SRGAP3: variants seen among roughly 807,000 people sequenced by gnomAD.
SRGAP3 encodes SLIT-ROBO Rho GTPase activating protein 3, also known as SLIT-ROBO Rho GTPase-activating protein 3.
SRGAP3 carries 39 observed loss-of-function variants against 121.1 expected under a neutral mutation model. The observed-to-expected ratio is 0.32, with a 90% confidence interval of 0.25 to 0.42. SRGAP3 has a LOEUF of 0.42. Among genes scored for constraint, SRGAP3 ranks in the 10% least tolerant of loss-of-function variants. The probability of loss-of-function intolerance (pLI) is 1.00; values close to 1 mark genes in which losing one functional copy is unlikely to be tolerated. For synonymous variants in SRGAP3, 601 were observed against 570.0 expected (o/e 1.05, Z -0.77); for missense variants, 1,213 against 1,470.6 (o/e 0.82, Z 2.86).
chr3:9,049,464 C>A, intron 9 of SRGAP3: 1 of 456,104 alleles, frequency 2.2e-6, no homozygotes. Flanking sequence ...CATCATCAGG[C>A]CCCTTCTACC....
chr3:9,354,526 A>C lies in SRGAP3; in HGVS notation n.214+8314T>G, dbSNP rs144067866. ...AACCCGGTCTCTACTAAAAAACACA[A>C]AAAAAATTAGCCGGACATGGTGGCA... On this transcript the variant is annotated intron_variant and non_coding_transcript_variant, in intron 1 of 3. Coordinates refer to the SRGAP3 transcript ENST00000490889. 2.1e-3 allele frequency among the ~76,000 whole-genome samples: 321 copies of C among 152,054 alleles called. 5 individuals carry two copies. The East Asian group carries it at 0.036, about 17-fold the overall frequency.
chr3:9,052,172 C>T (rs1945610160), intron 9 of SRGAP3, among the ~76,000 whole-genome samples: 1 of 152,136 alleles, frequency 6.6e-6, no homozygotes, highest in African/African-American at 2.4e-5. Context: ...ATACATTTAG[C>T]CTAGAGAAAT....
intron 1 of SRGAP3, among the ~76,000 whole-genome samples, chr3:9,199,395 G>A (rs1253507066): frequency 6.6e-6 from 1 of 152,130 alleles, no homozygotes; most frequent in Non-Finnish European, 1.5e-5. Flanking sequence ...TGCTAGCAAC[G>A]CTGACTGAGA....
chr3:9,038,572 A>C (rs1944879945), intron 10 of SRGAP3, among the ~76,000 whole-genome samples: 1 of 152,232 alleles, frequency 6.6e-6, no homozygotes, highest in Non-Finnish European at 1.5e-5. Context: ...CCTGGCACTG[A>C]AGGATACCAG....
intron 11 of SRGAP3, chr3:9,037,834 CA>C: frequency 3.3e-6 from 2 of 604,792 alleles, no homozygotes; most frequent in Non-Finnish European, 2.9e-6. Context: ...ACAGCAGCCC[CA>C]AAAGCGCCCC....
chr3:9,040,370 G>A (rs1944959702), intron 10 of SRGAP3, among the ~76,000 whole-genome samples: 1 of 152,040 alleles, frequency 6.6e-6, no homozygotes, highest in Non-Finnish European at 1.5e-5. Flanking sequence ...TCTCCTTTGT[G>A]TGCTCTGCTA....
intron 10 of SRGAP3, among the ~76,000 whole-genome samples, chr3:9,042,046 A>C (rs1297136461): frequency 6.6e-6 from 1 of 151,236 alleles, no homozygotes; most frequent in East Asian, 1.9e-4. Context: ...GGTTACAATA[A>C]GCTGAGATTG....
intron 1 of SRGAP3, 144 bp downstream of exon 1, chr3:9,248,741 A>G: frequency 2.3e-6 from 2 of 858,362 alleles, no homozygotes; most frequent in South Asian, 1.4e-5. Flanking sequence ...TGCGGCTGCC[A>G]CTGTTACTCC....
At chr3:9,013,117 C>T (rs1474818251) in intron 17 of SRGAP3, among the ~76,000 whole-genome samples, 191 bp downstream of exon 17, 1 of 152,132 alleles carries the variant, frequency 6.6e-6, no homozygotes, top group Non-Finnish European at 1.5e-5. Context: ...GTATGTCTGT[C>T]CCTTGTAACC....
chr3:9,116,972 G>A (rs558969158), intron 2 of SRGAP3, among the ~76,000 whole-genome samples: 65 of 152,322 alleles, frequency 4.3e-4, no homozygotes, highest in Non-Finnish European at 7.5e-4. Context: ...ACGGTGATGT[G>A]GATGTGTGGG....
At chr3:9,044,447 A>G (rs949444541) in intron 10 of SRGAP3, among the ~76,000 whole-genome samples, 3 of 152,242 alleles carry the variant, frequency 2.0e-5, no homozygotes, top group Admixed American at 1.3e-4. Flanking sequence ...TGCTCAGCAA[A>G]GAAATTTGCT....
chr3:9,015,989 C>A, intron 14 of SRGAP3: 1 of 516,182 alleles, frequency 1.9e-6, no homozygotes, highest in Non-Finnish European at 3.5e-6. Flanking sequence ...ACTCATCTTG[C>A]CACATTTGAT....
intron 18 of SRGAP3, among the ~76,000 whole-genome samples, chr3:9,000,013 C>T (rs1296366058): frequency 1.3e-5 from 2 of 152,216 alleles, no homozygotes; most frequent in African/African-American, 4.8e-5. Flanking sequence ...TGAACCAAGA[C>T]TGCTCCCTCC....
chr3:9,003,334 C>G (rs942141060), intron 18 of SRGAP3, among the ~76,000 whole-genome samples: 1 of 152,058 alleles, frequency 6.6e-6, no homozygotes, highest in Non-Finnish European at 1.5e-5. Context: ...AAAAAATTAG[C>G]CTGGTATGGT....
intron 21 of SRGAP3, among the ~76,000 whole-genome samples, chr3:8,989,299 G>C (rs1236723995): frequency 6.6e-6 from 1 of 152,194 alleles, no homozygotes; most frequent in Non-Finnish European, 1.5e-5. Flanking sequence ...AAGTATGGGG[G>C]GGACCAGCAG....
chr3:9,320,531 G>A (rs891081370), intron 3 of SRGAP3, among the ~76,000 whole-genome samples: 4 of 151,782 alleles, frequency 2.6e-5, no homozygotes, highest in African/African-American at 4.8e-5. Context: ...GAGACGACTC[G>A]CTCCCCCTTT....
chr3:9,040,212 A>T (rs889824442), intron 10 of SRGAP3, among the ~76,000 whole-genome samples: 4 of 152,116 alleles, frequency 2.6e-5, no homozygotes, highest in African/African-American at 9.7e-5. Context: ...TTAAACTGTA[A>T]ATCAGATCAT....
chr3:9,272,021 G>C (rs945759554), intron 3 of SRGAP3, among the ~76,000 whole-genome samples: 1 of 152,150 alleles, frequency 6.6e-6, no homozygotes, highest in African/African-American at 2.4e-5. Context: ...CAAAACAGAT[G>C]AATGTCCAAA....
intron 3 of SRGAP3, among the ~76,000 whole-genome samples, chr3:9,321,987 T>C (rs973448327): frequency 1.3e-5 from 2 of 150,784 alleles, no homozygotes; most frequent in Non-Finnish European, 2.9e-5. Flanking sequence ...ATAATAATAA[T>C]AATAATAATA....
Sources: gnomAD v4.1 joint callset for allele counts (sites outside exome capture counted in the v4.1 genomes callset) on GRCh38, gnomAD v4.1.1 for gene constraint, MANE v1.5 for transcripts, NCBI Gene and HGNC (gene_info 2026-07-23, HGNC 2026-07-21) for gene names.